Variants in RALGAPA1 observed in about 807,000 individuals in gnomAD.
The protein encoded by RALGAPA1 is ral GTPase-activating protein subunit alpha-1.
RALGAPA1 carries 52 observed loss-of-function variants against 269.6 expected under a neutral mutation model. That is an observed-to-expected ratio of 0.19 (90% CI 0.15 to 0.24). RALGAPA1 has a LOEUF of 0.24. Ranked by LOEUF, RALGAPA1 falls within the 10% of genes least tolerant of loss-of-function variation. RALGAPA1 has a pLI of 1.00. For missense variants in RALGAPA1, 1,917 were observed against 3,013.9 expected (o/e 0.64, Z 8.52); for synonymous variants, 817 against 1,008.3 (o/e 0.81, Z 3.60).
intron 16 of RALGAPA1, chr14:35,715,764 C>T (rs1481576234): frequency 5.1e-6 from 5 of 985,144 alleles, no homozygotes. Flanking sequence ...GTCTTCAATT[C>T]AGTCATCCAA....
chr14:35,679,546 T>C (rs750791607), intron 21 of RALGAPA1, among the ~76,000 whole-genome samples: 1 of 152,228 alleles, frequency 6.6e-6, no homozygotes, highest in South Asian at 2.1e-4. Context: ...GTATTGACTA[T>C]CTCATGTAAT....
rs1469877563 is a variant in RALGAPA1, at chr14:35,683,908, C to T, written c.4372G>A (p.Glu1458Lys). 1.9e-6 allele frequency: 3 copies of T among 1,613,500 alleles called. No individual in the cohort carries two copies. The highest frequency in any genetic ancestry group is 2.5e-6 in the Non-Finnish European group (3 of 1,179,628). The change falls in exon 21 of 42, where the codon GAA (glutamate) becomes AAA (lysine). Residue 1458 changes from glutamate to lysine, a missense_variant. Physicochemically the swap from Glu to Lys is moderately conservative, Grantham distance 56 (BLOSUM62 1). Coordinates refer to ENST00000680220, the MANE Select transcript of RALGAPA1 (RefSeq NM_001346249.2). ...DSGSGHHQSA[E>K]EQEVASLTTL... The stretch of plus-strand genomic sequence containing the variant: ...GTTAGACTAGCCACTTCCTGCTCTT[C>T]AGCACTCTGATGATGGCCAGAACCT...
chr14:35,677,734 G>C (rs1399492932), intron 22 of RALGAPA1: 1 of 488,410 alleles, frequency 2.0e-6, no homozygotes, highest in African/African-American at 2.0e-5. Context: ...ACTAATTTGA[G>C]GACTCTAATC....
intron 35 of RALGAPA1, among the ~76,000 whole-genome samples, chr14:35,610,221 C>T (rs1009016709): frequency 2.7e-5 from 4 of 150,574 alleles, no homozygotes; most frequent in African/African-American, 9.7e-5. Flanking sequence ...ATGCTATAAG[C>T]ATTTGTATGC....
intron 13 of RALGAPA1, 144 bp from the exon 14 acceptor site, chr14:35,725,297 A>G: frequency 2.0e-6 from 1 of 488,260 alleles, no homozygotes; most frequent in Non-Finnish European, 3.4e-6. Flanking sequence ...GAGTTCCTTA[A>G]ATATTAAAAA....
At position 35,770,091 on chromosome 14, in the gene RALGAPA1, G is replaced by A. The variant is rs74902737; in HGVS notation, c.325+851C>T. Among the ~76,000 whole-genome samples, 1,504 of 152,248 alleles carry A rather than the reference G, an allele frequency of 9.9e-3. 11 individuals carry two copies. Among genetic ancestry groups the A allele is most frequent in the Non-Finnish European group, 0.016 (1,100 of 68,010 alleles). ...GTAAATAGGATTTACCTCAGGTATG[G>A]AAAGTTGGTTTAACATTTGAAAATC... is the stretch of plus-strand genomic sequence containing the variant. On this transcript the variant is annotated intron_variant, in intron 4 of 41. Coordinates refer to ENST00000680220, the MANE Select transcript of RALGAPA1 (RefSeq NM_001346249.2).
At chr14:35,683,702 T>C (rs1323029461) in intron 21 of RALGAPA1, 107 bp downstream of exon 21, 3 of 832,126 alleles carry the variant, frequency 3.6e-6, no homozygotes, top group Non-Finnish European at 5.3e-6. Flanking sequence ...TGAAAAAATA[T>C]ACTTAAATAG....
chr14:35,603,349 A>G (rs1030690055), intron 36 of RALGAPA1, among the ~76,000 whole-genome samples: 14 of 152,168 alleles, frequency 9.2e-5, no homozygotes, highest in Admixed American at 2.6e-4. Flanking sequence ...TTTCACATAC[A>G]TAAGCTCAAT....
At chr14:35,575,417 T>C (rs1239311111) in intron 37 of RALGAPA1, among the ~76,000 whole-genome samples, 1 of 152,192 alleles carries the variant, frequency 6.6e-6, no homozygotes, top group African/African-American at 2.4e-5. Context: ...AAATTTAACA[T>C]GTGTACAAGT....
intron 12 of RALGAPA1, among the ~76,000 whole-genome samples, chr14:35,734,089 T>C (rs1254423146): frequency 2.0e-5 from 3 of 152,172 alleles, no homozygotes; most frequent in Admixed American, 6.5e-5. Context: ...CCCATGCTCA[T>C]GGATGGGTAA....
chr14:35,547,020 G>GA (rs1307568728), intron 41 of RALGAPA1, among the ~76,000 whole-genome samples: 16 of 152,134 alleles, frequency 1.1e-4, no homozygotes, highest in African/African-American at 3.9e-4. Context: ...AACTTATATA[G>GA]AAACGTATTC....
At chr14:35,704,788 A>G (rs1260177962) in intron 16 of RALGAPA1, among the ~76,000 whole-genome samples, 1 of 152,138 alleles carries the variant, frequency 6.6e-6, no homozygotes, top group Non-Finnish European at 1.5e-5. Flanking sequence ...CAGTTTAACA[A>G]GAGAAGAACC....
At chr14:35,680,771 C>T (rs1405486081) in intron 21 of RALGAPA1, among the ~76,000 whole-genome samples, 2 of 151,736 alleles carry the variant, frequency 1.3e-5, no homozygotes, top group African/African-American at 4.8e-5. Context: ...CCCACCACCA[C>T]GCCCGGCTAA....
At chr14:35,709,222 T>C (rs189347556) in intron 16 of RALGAPA1, among the ~76,000 whole-genome samples, 1 of 152,184 alleles carries the variant, frequency 6.6e-6, no homozygotes, top group East Asian at 1.9e-4. Flanking sequence ...ACTAAAAGAA[T>C]ATAATTGGAT....
intron 36 of RALGAPA1, among the ~76,000 whole-genome samples, chr14:35,600,231 T>C (rs2059203763): frequency 1.5e-5 from 2 of 132,550 alleles, no homozygotes; most frequent in Non-Finnish European, 1.5e-5. Flanking sequence ...TTTCTTTTTT[T>C]CTTTTTTTTT....
intron 17 of RALGAPA1, among the ~76,000 whole-genome samples, chr14:35,694,035 A>G (rs796502382): frequency 9.9e-5 from 15 of 152,194 alleles, no homozygotes; most frequent in African/African-American, 3.6e-4. Flanking sequence ...TGATTGAAAG[A>G]GGACCTGTCA....
In RALGAPA1 at chr14:35,548,528, T is replaced by C. The variant is rs377073248; in HGVS notation, c.*3A>G. 10 of 1,579,826 alleles carry C rather than the reference T, an allele frequency of 6.3e-6. No individual in the cohort carries two copies. The African/African-American group carries it at 1.4e-4, about 22-fold the overall frequency. On this transcript the variant is annotated 3_prime_UTR_variant, in exon 41 of 42. Transcript: ENST00000680220. The stretch of plus-strand genomic sequence containing the variant: ...CTTACCTTCAGATAAACAGAACTGA[T>C]ATTTAATGATCTAAAGAGGGAAAAT...
intron 31 of RALGAPA1, among the ~76,000 whole-genome samples, chr14:35,645,376 T>TGTGTGTGTGG: frequency 6.6e-6 from 1 of 151,254 alleles, no homozygotes; most frequent in South Asian, 2.1e-4. Context: ...TGTGTGTGTG[T>TGTGTGTGTGG]GTGTGTGTGT....
chr14:35,729,782 A>T (rs2070299141), intron 12 of RALGAPA1, among the ~76,000 whole-genome samples: 1 of 152,192 alleles, frequency 6.6e-6, no homozygotes. Flanking sequence ...GTGAAAGAAC[A>T]GGTCTTCCCC....
Sources: allele counts gnomAD v4.1 joint callset (sites outside exome capture counted in the v4.1 genomes callset), GRCh38; gene constraint gnomAD v4.1.1; transcripts MANE v1.5; gene names NCBI Gene and HGNC (gene_info 2026-07-23, HGNC 2026-07-21).